PIGK: variants seen among roughly 807,000 people sequenced by gnomAD.
PIGK encodes phosphatidylinositol glycan anchor biosynthesis class K.
A neutral mutation model predicts 50.6 loss-of-function variants in PIGK; 42 were observed. The ratio of observed to expected loss-of-function variants is 0.83; its 90% CI spans 0.65 to 1.07. The LOEUF (loss-of-function observed/expected upper bound fraction) is 1.07. Among genes scored for constraint, PIGK ranks in the 50% least tolerant of loss-of-function variants. The pLI is 0.00. For synonymous variants in PIGK, 151 were observed against 156.0 expected (o/e 0.97, Z 0.24); for missense variants, 448 against 488.7 (o/e 0.92, Z 0.78).
intron 8 of PIGK, among the ~76,000 whole-genome samples, chr1:77,156,658 T>C (rs1655014565): frequency 6.6e-6 from 1 of 152,160 alleles, no homozygotes; most frequent in African/African-American, 2.4e-5. Flanking sequence ...TGTCTGCGGG[T>C]ATTTTATTTC....
chr1:77,140,976 A>G, intron 9 of PIGK, among the ~76,000 whole-genome samples: 1 of 152,220 alleles, frequency 6.6e-6, no homozygotes, highest in East Asian at 1.9e-4. Flanking sequence ...AAAAGTACCA[A>G]AGATTGCTAT....
chr1:77,118,413 G>GT (rs879336421), intron 10 of PIGK, among the ~76,000 whole-genome samples: 3 of 151,374 alleles, frequency 2.0e-5, no homozygotes, highest in Admixed American at 6.6e-5. Context: ...TTAATTTATG[G>GT]TTTTTTTGTA....
chr1:77,111,153 T>G (rs1653831184), intron 10 of PIGK, among the ~76,000 whole-genome samples: 1 of 152,212 alleles, frequency 6.6e-6, no homozygotes, highest in Non-Finnish European at 1.5e-5. Flanking sequence ...TTTTACACTG[T>G]TGGTGGTACT....
chr1:77,092,530 A>G, intron 10 of PIGK, 40 bp from the exon 11 acceptor site: 1 of 1,033,570 alleles, frequency 9.7e-7, no homozygotes, highest in Non-Finnish European at 1.5e-6. Flanking sequence ...TATAACAGGT[A>G]AATAATTCAG....
intron 5 of PIGK, among the ~76,000 whole-genome samples, chr1:77,166,064 T>A (rs1655226524): frequency 6.6e-6 from 1 of 152,118 alleles, no homozygotes; most frequent in African/African-American, 2.4e-5. Context: ...ACATTCAAGC[T>A]TGGAAGAGAA....
At chr1:77,096,228 A>T (rs1477960042) in intron 10 of PIGK, among the ~76,000 whole-genome samples, 10 of 152,172 alleles carry the variant, frequency 6.6e-5, no homozygotes, top group Non-Finnish European at 1.3e-4. Context: ...TACAAGGAAC[A>T]TAGTGTTCTA....
chr1:77,136,809 T>C (rs997872643), intron 9 of PIGK, among the ~76,000 whole-genome samples: 1 of 152,192 alleles, frequency 6.6e-6, no homozygotes, highest in Non-Finnish European at 1.5e-5. Flanking sequence ...GCTAACAGTT[T>C]CCAATATTAT....
rs200092834 is a variant in PIGK, at chr1:77,154,603, T to C, written c.832A>G (p.Ser278Gly). The C allele has an allele frequency of 1.8e-5, 29 of 1,610,672 alleles. 1 individual carries two copies. In the South Asian group the frequency reaches 3.0e-4, roughly 17 times the overall value. Residue 278 changes from serine (S) to glycine (G), a missense_variant, in exon 9 of 11, where the codon AGT (serine) becomes GGT (glycine). Physicochemically the swap from Ser to Gly is moderately conservative, Grantham distance 56. Transcript: ENST00000370812. ...TGTCCAGGAGTAGACACACACAGAC[T>C]TTTGGGACATACCTGAAACTGAAAA... The part of the protein sequence containing the change: ...MNDLFQVCPK[S>G]LCVSTPGHRT...
At chr1:77,194,048 AAAG>A (rs1379823522) in intron 3 of PIGK, among the ~76,000 whole-genome samples, 1 of 145,436 alleles carries the variant, frequency 6.9e-6, no homozygotes, top group Admixed American at 7.0e-5. Context: ...ACACTTCTCA[AAAG>A]AAGACAAACA....
intron 8 of PIGK, 99 bp downstream of exon 8, chr1:77,161,196 A>T: frequency 1.5e-6 from 1 of 683,566 alleles, no homozygotes; most frequent in Non-Finnish European, 2.7e-6. Flanking sequence ...AATTCAACAC[A>T]TAAAACAAGA....
chr1:77,095,247 T>C (rs115367425), intron 10 of PIGK, among the ~76,000 whole-genome samples: 1,594 of 152,280 alleles, frequency 0.01, 34 homozygotes, highest in African/African-American at 0.037. Context: ...CAGCACACCC[T>C]ACCAAAATTC....
At chr1:77,188,643 A>ACCCT (rs920390015) in intron 3 of PIGK, among the ~76,000 whole-genome samples, 7 of 151,406 alleles carry the variant, frequency 4.6e-5, no homozygotes, top group African/African-American at 1.7e-4. Flanking sequence ...ACCTATTCAC[A>ACCCT]CCCTCCCTCC....
At chr1:77,169,840 G>A (rs1194333664) in intron 3 of PIGK, among the ~76,000 whole-genome samples, 1 of 152,122 alleles carries the variant, frequency 6.6e-6, no homozygotes, top group Non-Finnish European at 1.5e-5. Flanking sequence ...CAGAGTCCAC[G>A]TTAAACTATG....
At chr1:77,120,921 G>T (rs1436754382) in intron 10 of PIGK, among the ~76,000 whole-genome samples, 5 of 152,060 alleles carry the variant, frequency 3.3e-5, no homozygotes, top group Admixed American at 3.3e-4. Flanking sequence ...TTTTATCTTG[G>T]AATTCACACA....
At chr1:77,179,617 C>T (rs1206118775) in intron 3 of PIGK, among the ~76,000 whole-genome samples, 1 of 152,072 alleles carries the variant, frequency 6.6e-6, no homozygotes, top group East Asian at 1.9e-4. Context: ...TATAAATATT[C>T]TTCCACCACA....
intron 9 of PIGK, among the ~76,000 whole-genome samples, chr1:77,139,451 G>A (rs1255292240): frequency 1.3e-5 from 2 of 152,102 alleles, no homozygotes; most frequent in Non-Finnish European, 2.9e-5. Flanking sequence ...AATCACATGA[G>A]AGCCCTAAAG....
intron 3 of PIGK, among the ~76,000 whole-genome samples, chr1:77,198,681 C>A (rs1378411651): frequency 6.6e-6 from 1 of 151,688 alleles, no homozygotes; most frequent in Non-Finnish European, 1.5e-5. Context: ...AAAAAGCTAC[C>A]AAAGATGTTT....
At chr1:77,189,995 G>A (rs60836923) in intron 3 of PIGK, among the ~76,000 whole-genome samples, 1 of 151,752 alleles carries the variant, frequency 6.6e-6, no homozygotes, top group Non-Finnish European at 1.5e-5. Context: ...CACACAGCTA[G>A]CAAGTAGTGG....
intron 8 of PIGK, among the ~76,000 whole-genome samples, chr1:77,156,167 A>G (rs2100552422): frequency 6.6e-6 from 1 of 152,284 alleles, no homozygotes; most frequent in South Asian, 2.1e-4. Context: ...AAGCAGAGAT[A>G]AAGTTGAAAG....
Sources: allele counts gnomAD v4.1 joint callset (sites outside exome capture counted in the v4.1 genomes callset), GRCh38; gene constraint gnomAD v4.1.1; transcripts MANE v1.5; gene names NCBI Gene and HGNC (gene_info 2026-07-23, HGNC 2026-07-21).